The following LHFPL3 variants were observed in gnomAD, a reference collection of about 807,000 sequenced individuals.
LHFPL3 encodes LHFPL tetraspan subfamily member 3 protein.
In LHFPL3, 5 loss-of-function variants were observed where a neutral mutation model predicts 19.3. The ratio of observed to expected loss-of-function variants is 0.26; its 90% confidence interval spans 0.14 to 0.54. The LOEUF is 0.54. Among genes scored for constraint, LHFPL3 ranks in the 20% least tolerant of loss-of-function variants. The pLI is 0.94. For synonymous variants in LHFPL3, 133 were observed against 126.2 expected, an observed-to-expected ratio of 1.05 and a Z score of -0.36; for missense variants, 249 against 307.4, an observed-to-expected ratio of 0.81 and a Z score of 1.42.
intron 1 of LHFPL3, among the ~76,000 whole-genome samples, chr7:104,581,229 G>A (rs1201278766): frequency 1.3e-5 from 2 of 152,148 alleles, no homozygotes; most frequent in Admixed American, 6.5e-5. Flanking sequence ...TTCTGAGAAC[G>A]TGTAGTGATA....
At chr7:104,714,173 C>A (rs1425510838) in intron 1 of LHFPL3, among the ~76,000 whole-genome samples, 1 of 152,192 alleles carries the variant, frequency 6.6e-6, no homozygotes, top group African/African-American at 2.4e-5. Context: ...ACACTGACTT[C>A]TTTCACCCTC....
At chr7:104,729,902 C>A (rs562604413) in intron 1 of LHFPL3, among the ~76,000 whole-genome samples, 2 of 152,004 alleles carry the variant, frequency 1.3e-5, no homozygotes, top group South Asian at 4.2e-4. Flanking sequence ...CCACTCCCCC[C>A]ACCCCACAAC....
intron 2 of LHFPL3, among the ~76,000 whole-genome samples, chr7:104,887,333 G>T (rs535019024): frequency 6.6e-6 from 1 of 152,222 alleles, no homozygotes; most frequent in South Asian, 2.1e-4. Flanking sequence ...TTTGTACGTA[G>T]AGATCCCAGA....
At chr7:104,441,866 G>C (rs376593331) in intron 1 of LHFPL3, among the ~76,000 whole-genome samples, 115 of 152,254 alleles carry the variant, frequency 7.6e-4, no homozygotes, top group African/African-American at 2.6e-3. Flanking sequence ...GAGCCACTGC[G>C]CCTGGCTGAG....
chr7:104,579,916 A>T (rs1276354997), intron 1 of LHFPL3, among the ~76,000 whole-genome samples: 5 of 152,148 alleles, frequency 3.3e-5, no homozygotes, highest in African/African-American at 9.7e-5. Context: ...TAGCTCTTGG[A>T]GGTTGAGGCT....
At chr7:104,600,352 A>C (rs552127544) in intron 1 of LHFPL3, among the ~76,000 whole-genome samples, 24 of 152,300 alleles carry the variant, frequency 1.6e-4, no homozygotes, top group Admixed American at 3.3e-4. Context: ...AACCCTCAGG[A>C]GCAAAAGGAA....
At chr7:104,406,596 A>C (rs1041029169) in intron 1 of LHFPL3, among the ~76,000 whole-genome samples, 6 of 152,242 alleles carry the variant, frequency 3.9e-5, no homozygotes, top group Admixed American at 2.6e-4. Flanking sequence ...CTGATCCCAG[A>C]GCCCATGATC....
chr7:104,548,543 C>A (rs906002280), intron 1 of LHFPL3, among the ~76,000 whole-genome samples: 1 of 151,946 alleles, frequency 6.6e-6, no homozygotes, highest in African/African-American at 2.4e-5. Context: ...ATACTTTATC[C>A]CCTTAAAATA....
intron 1 of LHFPL3, among the ~76,000 whole-genome samples, chr7:104,616,982 A>G (rs1374190249): frequency 1.3e-5 from 2 of 152,236 alleles, no homozygotes; most frequent in Non-Finnish European, 2.9e-5. Context: ...AATGGCGATC[A>G]TTAAAAAGTC....
chr7:104,611,675 A>G (rs1403765826), intron 1 of LHFPL3, among the ~76,000 whole-genome samples: 1 of 152,210 alleles, frequency 6.6e-6, no homozygotes, highest in Non-Finnish European at 1.5e-5. Flanking sequence ...AATTAACTAT[A>G]TAGAAGAAAA....
intron 1 of LHFPL3, among the ~76,000 whole-genome samples, chr7:104,377,452 A>G (rs1790737233): frequency 6.6e-6 from 1 of 152,230 alleles, no homozygotes. Context: ...GAGGAAAAGG[A>G]AGAGTTTAAG....
chr7:104,453,209 C>T (rs1584329679), intron 1 of LHFPL3, among the ~76,000 whole-genome samples: 1 of 151,358 alleles, frequency 6.6e-6, no homozygotes, highest in Non-Finnish European at 1.5e-5. Flanking sequence ...AGAAGTTGAA[C>T]TCAACTCTGC....
At chr7:104,703,335 C>T (rs769206369) in intron 1 of LHFPL3, among the ~76,000 whole-genome samples, 6 of 152,116 alleles carry the variant, frequency 3.9e-5, no homozygotes, top group Non-Finnish European at 8.8e-5. Flanking sequence ...TTTTAGAGTA[C>T]TTTATCTAAC....
At chr7:104,412,959 C>G (rs1344130687) in intron 1 of LHFPL3, among the ~76,000 whole-genome samples, 2 of 152,166 alleles carry the variant, frequency 1.3e-5, no homozygotes, top group African/African-American at 2.4e-5. Flanking sequence ...CAGTCACCTG[C>G]CTTCTTTCCA....
chr7:104,642,457 C>T (rs1791855657), intron 1 of LHFPL3, among the ~76,000 whole-genome samples: 1 of 152,178 alleles, frequency 6.6e-6, no homozygotes, highest in South Asian at 2.1e-4. Context: ...CTAGAGTAAT[C>T]TGGTTGTTCT....
chr7:104,827,740 T>TA (rs568816326), intron 2 of LHFPL3, among the ~76,000 whole-genome samples: 14 of 151,648 alleles, frequency 9.2e-5, no homozygotes, highest in East Asian at 7.7e-4. Flanking sequence ...CTTGTTTTAG[T>TA]AAAAAAAATC....
chr7:104,496,540 G>A (rs922020850), intron 1 of LHFPL3, among the ~76,000 whole-genome samples: 32 of 152,064 alleles, frequency 2.1e-4, no homozygotes, highest in African/African-American at 5.8e-4. Flanking sequence ...CTGAGGAATC[G>A]CCACACTGAC....
At chr7:104,520,739 G>A (rs995184367) in intron 1 of LHFPL3, among the ~76,000 whole-genome samples, 4 of 135,584 alleles carry the variant, frequency 3.0e-5, no homozygotes, top group Non-Finnish European at 6.4e-5. Flanking sequence ...TTGCGTAGAG[G>A]TGTTTGTAGT....
intron 1 of LHFPL3, among the ~76,000 whole-genome samples, chr7:104,360,181 C>T (rs897176704): frequency 2.0e-5 from 3 of 152,188 alleles, no homozygotes; most frequent in African/African-American, 4.8e-5. Flanking sequence ...AGGGAAGCCA[C>T]GCAGTAGGAA....
Sources: allele counts gnomAD v4.1 joint callset (sites outside exome capture counted in the v4.1 genomes callset), GRCh38; gene constraint gnomAD v4.1.1; transcripts MANE v1.5; gene names NCBI Gene and HGNC (gene_info 2026-07-23, HGNC 2026-07-21).